PPHLN1: variants seen among roughly 807,000 people sequenced by gnomAD.
PPHLN1 encodes periphilin 1, also known as periphilin-1.
In PPHLN1, 29 loss-of-function variants were observed where a neutral mutation model predicts 51.3. The ratio of observed to expected loss-of-function variants is 0.57; its 90% confidence interval spans 0.42 to 0.77. The LOEUF (loss-of-function observed/expected upper bound fraction) is 0.77. Ranked by LOEUF, PPHLN1 falls within the 30% of genes least tolerant of loss-of-function variation. The probability of loss-of-function intolerance (pLI) is 0.00; values close to 1 mark genes in which losing one functional copy is unlikely to be tolerated. For missense variants in PPHLN1, 436 were observed against 438.4 expected (o/e 0.99, Z 0.05); for synonymous variants, 147 against 147.8 (o/e 0.99, Z 0.04).
At position 42,393,641 on chromosome 12, in the gene PPHLN1, G is replaced by T; in HGVS notation, c.720G>T (p.Lys240Asn). The change falls in exon 8 of 10, where the codon AAG (lysine) becomes AAT (asparagine). Residue 240 changes from lysine to asparagine, a missense_variant. By Grantham distance (94) the Lys-to-Asn change is moderately conservative. Transcript: ENST00000358314. Reference sequence around the variant, plus strand: ...CTGCAAGCAAGTGGGCTGCTGAAAAGCTAGAGAAATCAGATGAAAGTAACT... The same window carrying T: ...CTGCAAGCAAGTGGGCTGCTGAAAATCTAGAGAAATCAGATGAAAGTAACT... ...AEAASKWAAEKLEKSDESNLP... is the reference protein window; with the variant it reads ...AEAASKWAAENLEKSDESNLP... The T allele has an allele frequency of 6.2e-7, 1 of 1,611,616 alleles. No individual in the cohort carries two copies. Among genetic ancestry groups the T allele is most frequent in the Non-Finnish European group, 8.5e-7 (1 of 1,179,104 alleles).
intron 3 of PPHLN1, among the ~76,000 whole-genome samples, chr12:42,354,670 A>G (rs2073836494): frequency 7.0e-6 from 1 of 142,530 alleles, no homozygotes. Context: ...GATATAGATT[A>G]TCAATAAGTG....
chr12:42,404,126 C>T (rs572508897), intron 9 of PPHLN1, among the ~76,000 whole-genome samples: 6 of 151,700 alleles, frequency 4.0e-5, no homozygotes, highest in Admixed American at 6.6e-5. Flanking sequence ...ATGTGAAAGC[C>T]GTTTATGTAT....
At position 42,350,630 on chromosome 12, in the gene PPHLN1, T is replaced by A. The variant is rs112921060; in HGVS notation, c.73-1255T>A. Among the ~76,000 whole-genome samples, 1,385 of 151,758 alleles carry A rather than the reference T, an allele frequency of 9.1e-3. 21 individuals carry two copies. Among genetic ancestry groups the A allele is most frequent in the African/African-American group, 0.031 (1,288 of 41,344 alleles). On this transcript the variant is annotated intron_variant, in intron 2 of 9. Transcript: ENST00000358314. ...AAGGCAGGCGGCTGGGAGGTGGAGG[T>A]TGTAGCGAGCGGAGATCACGCCACT...
chr12:42,432,103 A>G lies in PPHLN1; in HGVS notation c.910-9212A>G, dbSNP rs181565370. 25 of 1,508,468 alleles carry G rather than the reference A, an allele frequency of 1.7e-5. No homozygotes were observed. The South Asian group carries it at 2.7e-4, about 16-fold the overall frequency. The allele number at this position is 1,508,468 out of a possible 1,614,324, so 93.4% of individuals were successfully genotyped here. A position where few individuals can be genotyped will look rare whatever the true frequency, so the allele number is the denominator to read the frequency against. On this transcript the variant is annotated intron_variant, in intron 9 of 9. Coordinates refer to ENST00000358314, the MANE Select transcript of PPHLN1 (RefSeq NM_201439.2). ...CCTCGACCCCCTGAAACACTTCTGC[A>G]TCTTCCTCCTGGGCATCTCCTGCTG...
At chr12:42,337,751 T>TTTTTTTTTTATTTTA (rs1555178682) in intron 2 of PPHLN1, among the ~76,000 whole-genome samples, 1 of 142,274 alleles carries the variant, frequency 7.0e-6, no homozygotes, top group African/African-American at 2.7e-5. Flanking sequence ...TACCTGGCTA[T>TTTTTTTTTTATTTTA]TTTTATTTTA....
At chr12:42,395,483 A>G (rs575652481) in intron 8 of PPHLN1, among the ~76,000 whole-genome samples, 1 of 152,108 alleles carries the variant, frequency 6.6e-6, no homozygotes, top group Admixed American at 6.6e-5. Flanking sequence ...TATCATATTA[A>G]TATTTTTCTC....
chr12:42,335,745 C>G, intron 1 of PPHLN1, 138 bp from the exon 2 acceptor site: 88 of 189,986 alleles, frequency 4.6e-4, no homozygotes, highest in East Asian at 9.4e-4. Context: ...AACATTCTTT[C>G]TTTTGGTCAC....
downstream of PPHLN1, chr12:42,445,705 G>A (rs1358870138): frequency 1.9e-5 from 6 of 320,648 alleles, no homozygotes; most frequent in South Asian, 6.4e-5. Flanking sequence ...GTAGTAGAAC[G>A]TGCCCACTTC....
downstream of PPHLN1, chr12:42,444,519 C>T (rs1451713915): frequency 6.6e-6 from 1 of 151,742 alleles, no homozygotes. Context: ...ACAGATGGCC[C>T]CAGGGCTGCA....
chr12:42,442,789 C>T (rs374160031), downstream of PPHLN1: 1 of 1,610,866 alleles, frequency 6.2e-7, no homozygotes, highest in Admixed American at 1.7e-5. Context: ...GGGGAATTCT[C>T]AAGCTAGGGT....
intron 9 of PPHLN1, among the ~76,000 whole-genome samples, chr12:42,422,423 G>T (rs1432424986): frequency 1.3e-5 from 2 of 152,198 alleles, no homozygotes; most frequent in Non-Finnish European, 2.9e-5. Context: ...ATGAAGTAAG[G>T]TTAAAGGGGA....
chr12:42,393,755 G>T (rs1474450929), intron 8 of PPHLN1, 66 bp downstream of exon 8: 3 of 1,461,960 alleles, frequency 2.1e-6, no homozygotes, highest in Non-Finnish European at 2.7e-6. Flanking sequence ...AATTATGGGC[G>T]AAAAATATTT....
Position 42,426,228 on chromosome 12 carries a change from A to ACACC in PPHLN1, c.910-15086_910-15085insACCC, listed in dbSNP as rs371819974. Among the ~76,000 whole-genome samples, 732 of 129,856 alleles carry ACACC rather than the reference A, an allele frequency of 5.6e-3. 5 individuals carry two copies. The highest frequency in any genetic ancestry group is 0.016 in the South Asian group (62 of 3,966). The allele number at this position is 129,856 out of a possible 152,430, so 85.2% of individuals were successfully genotyped here. A position where few individuals can be genotyped will look rare whatever the true frequency, so the allele number is the denominator to read the frequency against. On this transcript the variant is annotated intron_variant, in intron 9 of 9. Coordinates refer to ENST00000358314, the MANE Select transcript of PPHLN1 (RefSeq NM_201439.2). ...CACACACACACACACACACACACACACCCTCATGCATTGTCTCATGGCAGT... is the reference window on the plus strand; with the variant it reads ...CACACACACACACACACACACACACACACCCCCTCATGCATTGTCTCATGGCAGT...
At position 42,367,758 on chromosome 12, in the gene PPHLN1, G is replaced by A. The variant is rs530090394; in HGVS notation, c.300-7105G>A. 2.0e-5 allele frequency among the ~76,000 whole-genome samples: 3 copies of A among 152,226 alleles called. No homozygotes were observed. In the South Asian group the frequency reaches 6.2e-4, roughly 32 times the overall value. ...TTATTATTATTAAGTTTTTGAAACA[G>A]AGTCTCGCTCTGTTCCTCCAGGCTG... On this transcript the variant is annotated intron_variant, in intron 4 of 9. Coordinates refer to ENST00000358314, the MANE Select transcript of PPHLN1 (RefSeq NM_201439.2).
intron 9 of PPHLN1, among the ~76,000 whole-genome samples, chr12:42,418,388 C>T (rs2080663115): frequency 6.6e-6 from 1 of 151,724 alleles, no homozygotes; most frequent in Admixed American, 6.6e-5. Flanking sequence ...TTTTTCCTGA[C>T]GTGTAAACGT....
At chr12:42,373,989 T>C (rs1343631663) in intron 4 of PPHLN1, among the ~76,000 whole-genome samples, 1 of 152,156 alleles carries the variant, frequency 6.6e-6, no homozygotes, top group Non-Finnish European at 1.5e-5. Context: ...TGTAGGAAAT[T>C]AGCAGCATTC....
At chr12:42,411,981 C>T (rs2708077) in intron 9 of PPHLN1, among the ~76,000 whole-genome samples, 44,185 of 146,980 alleles carry the variant, frequency 0.3, 7,498 homozygotes, top group Middle Eastern at 0.39. Context: ...CCGAGGCAGG[C>T]GGATCACGAG....
chr12:42,432,756 T>C (rs558801997), intron 9 of PPHLN1, among the ~76,000 whole-genome samples: 1 of 152,340 alleles, frequency 6.6e-6, no homozygotes, highest in East Asian at 1.9e-4. Flanking sequence ...AAATTTTCTC[T>C]CACAACAAAT....
chr12:42,334,297 A>C (rs993219563), intron 1 of PPHLN1, among the ~76,000 whole-genome samples: 7 of 152,108 alleles, frequency 4.6e-5, no homozygotes, highest in African/African-American at 7.2e-5. Context: ...TTTTCTCTTG[A>C]ATGTGTGTCT....
Sources: allele counts gnomAD v4.1 joint callset (sites outside exome capture counted in the v4.1 genomes callset), GRCh38; gene constraint gnomAD v4.1.1; transcripts MANE v1.5; gene names NCBI Gene and HGNC (gene_info 2026-07-23, HGNC 2026-07-21).